UNC80: variants seen among roughly 807,000 people sequenced by gnomAD.
The protein encoded by UNC80 is protein unc-80 homolog.
Under a neutral mutation model 384.6 loss-of-function variants are expected in UNC80, and 164 were observed. The observed-to-expected ratio is 0.43, with a 90% CI of 0.38 to 0.49. The LOEUF is 0.49. Ranked by LOEUF, UNC80 falls within the 20% of genes least tolerant of loss-of-function variation. UNC80 has a pLI of 0.00. For missense variants in UNC80, 3,330 were observed against 4,143.0 expected (o/e 0.80, Z 5.39); for synonymous variants, 1,486 against 1,527.8 (o/e 0.97, Z 0.64).
intron 49 of UNC80, 129 bp from the exon 50 acceptor site, chr2:209,958,990 A>T: frequency 1.4e-6 from 1 of 696,466 alleles, no homozygotes; most frequent in Non-Finnish European, 2.5e-6. Flanking sequence ...GGAGTAATAT[A>T]TGTATATTTG....
Position 209,935,078 on chromosome 2 carries a change from TG to T in UNC80, c.6179-634del, listed in dbSNP as rs537508898. ...TCAGCTACATTTCAAGTACATGTTTTGGTTTTGCTAATATCCCTGTTTATAT... is the reference window on the plus strand; with the variant it reads ...TCAGCTACATTTCAAGTACATGTTTTGTTTTGCTAATATCCCTGTTTATAT... On this transcript the variant is annotated intron_variant, in intron 39 of 64. Coordinates refer to ENST00000673920, the MANE Select transcript of UNC80 (RefSeq NM_001371986.1). 1.1e-4 allele frequency among the ~76,000 whole-genome samples: 17 copies of T among 152,368 alleles called. No homozygotes were observed. The South Asian group carries it at 3.5e-3, about 32-fold the overall frequency.
intron 10 of UNC80, 43 bp from the exon 11 acceptor site, chr2:209,817,769 C>T (rs2079848779): frequency 1.3e-6 from 2 of 1,548,940 alleles, no homozygotes; most frequent in Non-Finnish European, 8.7e-7. Context: ...GAATAACTTT[C>T]AGATTTTAAA....
intron 21 of UNC80, among the ~76,000 whole-genome samples, chr2:209,848,771 C>G (rs114734320): frequency 6.6e-6 from 1 of 152,054 alleles, no homozygotes; most frequent in African/African-American, 2.4e-5. Flanking sequence ...AAGGATGTGT[C>G]CCCTGATAGA....
intron 10 of UNC80, among the ~76,000 whole-genome samples, chr2:209,817,463 G>A (rs1000147871): frequency 6.7e-6 from 1 of 150,342 alleles, no homozygotes; most frequent in East Asian, 1.9e-4. Context: ...GATTTTTTTT[G>A]AAAAAAGCAA....
chr2:209,833,159 T>A (rs1451792733), intron 16 of UNC80, among the ~76,000 whole-genome samples: 1 of 152,016 alleles, frequency 6.6e-6, no homozygotes, highest in African/African-American at 2.4e-5. Context: ...ACCTTCTACT[T>A]TCCTAAAAAT....
intron 36 of UNC80, 110 bp downstream of exon 36, chr2:209,927,096 TTTATGCACATA>T: frequency 8.8e-7 from 1 of 1,142,832 alleles, no homozygotes; most frequent in East Asian, 2.6e-5. Context: ...GTTGAACTGT[TTTATGCACATA>T]TTATAATTAC....
chr2:209,966,197 A>C (rs1258152424), intron 51 of UNC80, among the ~76,000 whole-genome samples: 1 of 152,192 alleles, frequency 6.6e-6, no homozygotes, highest in Non-Finnish European at 1.5e-5. Context: ...GTAGTAACTT[A>C]ATGTATTACC....
intron 51 of UNC80, among the ~76,000 whole-genome samples, chr2:209,962,034 C>CT (rs2125003642): frequency 6.6e-6 from 1 of 152,188 alleles, no homozygotes; most frequent in East Asian, 1.9e-4. Context: ...CCAGCATGGC[C>CT]TGTATGTTTG....
intron 40 of UNC80, 106 bp downstream of exon 40, chr2:209,935,914 G>A: frequency 7.6e-6 from 5 of 655,932 alleles, no homozygotes; most frequent in Non-Finnish European, 1.3e-5. Flanking sequence ...TTAAATGGAT[G>A]TATGCATTTC....
chr2:209,923,459 T>C (rs1218495535), intron 35 of UNC80, among the ~76,000 whole-genome samples: 6 of 152,158 alleles, frequency 3.9e-5, no homozygotes, highest in Admixed American at 3.3e-4. Context: ...GCACTATTCA[T>C]AGAAAAGACC....
intron 7 of UNC80, chr2:209,795,691 C>T (rs1311530793): frequency 6.6e-6 from 1 of 152,252 alleles, no homozygotes; most frequent in Non-Finnish European, 1.5e-5. Flanking sequence ...ATGTACAGCT[C>T]AGGATGTGAC....
chr2:209,828,691 A>G (rs1299694189), intron 14 of UNC80, among the ~76,000 whole-genome samples: 1 of 152,046 alleles, frequency 6.6e-6, no homozygotes, highest in Non-Finnish European at 1.5e-5. Context: ...CTTCATCCAT[A>G]ATTAAGGTGG....
At chr2:209,858,837 CTTAT>C (rs1218635426) in intron 22 of UNC80, among the ~76,000 whole-genome samples, 1 of 151,282 alleles carries the variant, frequency 6.6e-6, no homozygotes, top group Admixed American at 6.6e-5. Flanking sequence ...GTCATTTTTG[CTTAT>C]TTATTACACT....
At chr2:209,840,211 G>T (rs1011009238) in intron 19 of UNC80, among the ~76,000 whole-genome samples, 4 of 152,226 alleles carry the variant, frequency 2.6e-5, no homozygotes, top group African/African-American at 9.6e-5. Context: ...AGCTTGGACT[G>T]GGTGGTGGCC....
At chr2:209,980,341 G>A (rs2093128034) in intron 59 of UNC80, among the ~76,000 whole-genome samples, 1 of 152,174 alleles carries the variant, frequency 6.6e-6, no homozygotes, top group African/African-American at 2.4e-5. Context: ...AATAATAGAT[G>A]ACCTAACCTG....
intron 23 of UNC80, among the ~76,000 whole-genome samples, chr2:209,875,004 G>T (rs2084652083): frequency 6.6e-6 from 1 of 152,024 alleles, no homozygotes; most frequent in Non-Finnish European, 1.5e-5. Flanking sequence ...AAGCCCCTTA[G>T]GCCAGATCCC....
intron 3 of UNC80, 21 bp from the exon 4 acceptor site, chr2:209,777,237 C>T (rs1463466856): frequency 3.2e-6 from 5 of 1,551,612 alleles, no homozygotes; most frequent in Non-Finnish European, 3.5e-6. Flanking sequence ...CTTAACCTGC[C>T]TGTGTAATTG....
intron 22 of UNC80, among the ~76,000 whole-genome samples, chr2:209,854,838 G>A (rs1055824081): frequency 2.0e-5 from 3 of 152,208 alleles, no homozygotes; most frequent in African/African-American, 2.4e-5. Context: ...ATGCTTTTAC[G>A]TTGTTGGTGG....
intron 27 of UNC80, among the ~76,000 whole-genome samples, chr2:209,896,048 C>T (rs2086766791): frequency 6.6e-6 from 1 of 152,122 alleles, no homozygotes; most frequent in Admixed American, 6.6e-5. Flanking sequence ...GGACTTGACT[C>T]TGTTTTTTTT....
Sources: gnomAD v4.1 joint callset for allele counts (sites outside exome capture counted in the v4.1 genomes callset) on GRCh38, gnomAD v4.1.1 for gene constraint, MANE v1.5 for transcripts, NCBI Gene and HGNC (gene_info 2026-07-23, HGNC 2026-07-21) for gene names.